ATP8A2: variants seen among roughly 807,000 people sequenced by gnomAD.
ATP8A2 encodes phospholipid-transporting ATPase IB.
In ATP8A2, 100 loss-of-function variants were observed where a neutral mutation model predicts 165.6. That is an observed-to-expected ratio of 0.60 (90% CI 0.51 to 0.71). The LOEUF (loss-of-function observed/expected upper bound fraction) is 0.71. Ranked by LOEUF, ATP8A2 falls within the 30% of genes least tolerant of loss-of-function variation. The pLI is 0.00. For synonymous variants in ATP8A2, 543 were observed against 548.8 expected, an observed-to-expected ratio of 0.99 and a Z score of 0.15; for missense variants, 1,227 against 1,479.5, an observed-to-expected ratio of 0.83 and a Z score of 2.80.
At chr13:25,508,310 C>T (rs2037114647) in intron 2 of ATP8A2, among the ~76,000 whole-genome samples, 1 of 152,208 alleles carries the variant, frequency 6.6e-6, no homozygotes, top group Non-Finnish European at 1.5e-5. Flanking sequence ...CCCTCAGACT[C>T]ATTAATTCCA....
At chr13:25,526,789 T>C (rs1320563804) in intron 2 of ATP8A2, among the ~76,000 whole-genome samples, 3 of 152,212 alleles carry the variant, frequency 2.0e-5, no homozygotes, top group Non-Finnish European at 4.4e-5. Context: ...ACTTTGTCTC[T>C]GGCTGTCCCC....
At chr13:25,548,213 A>G (rs111499433) in intron 10 of ATP8A2, among the ~76,000 whole-genome samples, 1,813 of 152,212 alleles carry the variant, frequency 0.012, 36 homozygotes, top group African/African-American at 0.041. Context: ...GTGACAGAGT[A>G]AGACTCTGTC....
At chr13:25,682,746 C>T (rs1250710339) in intron 24 of ATP8A2, among the ~76,000 whole-genome samples, 2 of 152,120 alleles carry the variant, frequency 1.3e-5, no homozygotes, top group Non-Finnish European at 2.9e-5. Context: ...TGGTTTACAA[C>T]AACATTAAAG....
At chr13:25,928,465 A>G (rs1450753689) in intron 33 of ATP8A2, among the ~76,000 whole-genome samples, 5 of 152,208 alleles carry the variant, frequency 3.3e-5, no homozygotes, top group Admixed American at 2.0e-4. Context: ...TCCCTTCTAT[A>G]TAGAGAAGAA....
chr13:25,771,348 C>T (rs7323783), intron 26 of ATP8A2, among the ~76,000 whole-genome samples: 3,142 of 152,268 alleles, frequency 0.021, 115 homozygotes, highest in East Asian at 0.17. Flanking sequence ...CTGTGGGACT[C>T]GCACTTCCTG....
chr13:25,686,768 G>A (rs1189690682), intron 24 of ATP8A2, among the ~76,000 whole-genome samples: 1 of 152,102 alleles, frequency 6.6e-6, no homozygotes, highest in African/African-American at 2.4e-5. Context: ...CCACCCTCAG[G>A]TAAGTCTCAG....
At chr13:25,888,082 CCACCCCCAGAGAA>C (rs1566238836) in intron 33 of ATP8A2, among the ~76,000 whole-genome samples, 4 of 138,666 alleles carry the variant, frequency 2.9e-5, no homozygotes, top group Admixed American at 1.4e-4. Context: ...CCCCCCCGCC[CCACCCCCAGAGAA>C]CACTGGCATT....
chr13:25,960,707 T>G (rs760462231), intron 33 of ATP8A2, among the ~76,000 whole-genome samples: 1 of 151,752 alleles, frequency 6.6e-6, no homozygotes, highest in African/African-American at 2.4e-5. Flanking sequence ...CAGAGTAAAC[T>G]CCTCCCTCCC....
chr13:25,700,266 G>A (rs967637880), intron 25 of ATP8A2, among the ~76,000 whole-genome samples: 1 of 152,116 alleles, frequency 6.6e-6, no homozygotes, highest in Non-Finnish European at 1.5e-5. Flanking sequence ...TAGCTTGATT[G>A]TGATACAATT....
chr13:25,595,882 T>G (rs2040224038), intron 24 of ATP8A2, among the ~76,000 whole-genome samples: 2 of 152,138 alleles, frequency 1.3e-5, no homozygotes, highest in South Asian at 4.1e-4. Context: ...TCAAGGGATT[T>G]GGATTCATTC....
In ATP8A2 at chr13:25,566,847, C is replaced by T. The variant is rs2039328503; in HGVS notation, c.1473+2816C>T. The stretch of plus-strand genomic sequence containing the variant: ...AAAGGATTCCTGTTCACTGGGGAAG[C>T]AGACATGTGAAATTCTTAGAAGCCA... On this transcript the variant is annotated intron_variant, in intron 16 of 36. Transcript: ENST00000381655. Among the ~76,000 whole-genome samples the T allele has an allele frequency of 1.3e-5, 2 of 152,166 alleles. 1 individual carries two copies. The highest frequency in any genetic ancestry group is 4.1e-4 in the South Asian group (2 of 4,828).
chr13:25,752,965 G>A (rs1156920459), intron 25 of ATP8A2, among the ~76,000 whole-genome samples: 1 of 152,144 alleles, frequency 6.6e-6, no homozygotes, highest in East Asian at 1.9e-4. Context: ...TTACTGGGGT[G>A]ATTTATAAAT....
At chr13:25,730,155 G>A (rs140906845) in intron 25 of ATP8A2, among the ~76,000 whole-genome samples, 4 of 152,078 alleles carry the variant, frequency 2.6e-5, no homozygotes, top group Non-Finnish European at 5.9e-5. Context: ...ACCAGGCATG[G>A]TGCCGTGTGC....
intron 24 of ATP8A2, among the ~76,000 whole-genome samples, chr13:25,639,710 C>A (rs552597610): frequency 5.4e-4 from 82 of 152,078 alleles, no homozygotes; most frequent in East Asian, 2.9e-3. Context: ...AGAAAGTTAA[C>A]AAGGATATCC....
chr13:25,541,103 G>A (rs2038462045), intron 8 of ATP8A2, among the ~76,000 whole-genome samples: 1 of 152,014 alleles, frequency 6.6e-6, no homozygotes, highest in Non-Finnish European at 1.5e-5. Flanking sequence ...GAACTCAAGT[G>A]ATCTGCTTGC....
chr13:25,882,696 A>G (rs1214126713), intron 33 of ATP8A2, among the ~76,000 whole-genome samples: 1 of 152,188 alleles, frequency 6.6e-6, no homozygotes, highest in Non-Finnish European at 1.5e-5. Flanking sequence ...TCACTTAACC[A>G]TTGGAAGATG....
At chr13:26,017,596 T>G (rs562669795) in intron 36 of ATP8A2, among the ~76,000 whole-genome samples, 1 of 152,162 alleles carries the variant, frequency 6.6e-6, no homozygotes, top group African/African-American at 2.4e-5. Context: ...GCTGCTAATC[T>G]CTGATTAAGC....
chr13:25,665,393 G>A (rs1321183396), intron 24 of ATP8A2, among the ~76,000 whole-genome samples: 6 of 152,130 alleles, frequency 3.9e-5, no homozygotes, highest in Non-Finnish European at 8.8e-5. Flanking sequence ...AGGAGTTCAA[G>A]TCAGCCTGGG....
chr13:25,637,623 G>A (rs996867067), intron 24 of ATP8A2, among the ~76,000 whole-genome samples: 2 of 152,124 alleles, frequency 1.3e-5, no homozygotes, highest in African/African-American at 4.8e-5. Context: ...CTCAAACTGT[G>A]TGGAGCCTGT....
Sources: gnomAD v4.1 joint callset for allele counts (sites outside exome capture counted in the v4.1 genomes callset) on GRCh38, gnomAD v4.1.1 for gene constraint, MANE v1.5 for transcripts, NCBI Gene and HGNC (gene_info 2026-07-23, HGNC 2026-07-21) for gene names.